CASP10: variants seen among roughly 807,000 people sequenced by gnomAD.
CASP10 encodes the protein caspase-10.
Under a neutral mutation model 48.5 loss-of-function variants are expected in CASP10, and 41 were observed. The ratio of observed to expected loss-of-function variants is 0.85; its 90% CI spans 0.66 to 1.10. The LOEUF is 1.10. Ranked by LOEUF, CASP10 falls within the 50% of genes least tolerant of loss-of-function variation. The pLI is 0.00. For missense variants in CASP10, 614 were observed against 614.5 expected, an observed-to-expected ratio of 1.00 and a Z score of 0.01; for synonymous variants, 232 against 238.4, an observed-to-expected ratio of 0.97 and a Z score of 0.25.
chr2:201,226,710 A>G (rs1333475348), intron 9 of CASP10, among the ~76,000 whole-genome samples: 1 of 152,172 alleles, frequency 6.6e-6, no homozygotes, highest in Non-Finnish European at 1.5e-5. Flanking sequence ...AATGAAAAGA[A>G]GCAACACAAA....
rs1334411673 is a variant in CASP10 at position 201,220,268 on chromosome 2, G to C, written c.*2527G>C. ...AGGAAATCACTTCTTTTCTAACAGC[G>C]AGCAGCCAGAAAGAGAAGAGAGTAA... On this transcript the variant is annotated 3_prime_UTR_variant, in exon 10 of 10. Coordinates refer to ENST00000286186, the MANE Select transcript of CASP10 (RefSeq NM_032977.4). 1.4e-5 allele frequency: 7 copies of C among 495,042 alleles called. No homozygotes were observed. In the South Asian group the frequency reaches 2.6e-4, roughly 19 times the overall value. The allele number at this position is 495,042 out of a possible 1,614,324, so 30.7% of individuals were successfully genotyped here.
chr2:201,196,122 A>G (rs1010638184), intron 5 of CASP10, 174 bp downstream of exon 5: 9 of 574,370 alleles, frequency 1.6e-5, no homozygotes, highest in African/African-American at 1.5e-4. Flanking sequence ...CAGAGTGCAC[A>G]TTTTCTGAAA....
At chr2:201,195,977 T>C (rs369596070) in intron 5 of CASP10, 29 bp downstream of exon 5, 549 of 1,482,586 alleles carry the variant, frequency 3.7e-4, no homozygotes, top group Middle Eastern at 2.8e-3. Flanking sequence ...TGGTCAATGC[T>C]TAACAACCGG....
intron 5 of CASP10, among the ~76,000 whole-genome samples, chr2:201,198,539 C>CT (rs34234167): frequency 0.28 from 24,753 of 87,906 alleles, 5,780 homozygotes; most frequent in African/African-American, 0.55. Context: ...TTTTTTAATT[C>CT]TTTTTTTTTT....
At chr2:201,185,654 C>T in intron 1 of CASP10, 117 bp from the exon 2 acceptor site, 2 of 753,324 alleles carry the variant, frequency 2.7e-6, no homozygotes, top group Admixed American at 2.2e-5. Flanking sequence ...TTCAGCACTT[C>T]TAGGAAAGTC....
At chr2:201,225,934 C>A (rs1191594736), downstream of CASP10, among the ~76,000 whole-genome samples, 1 of 152,106 alleles carries the variant, frequency 6.6e-6, no homozygotes, top group Non-Finnish European at 1.5e-5. Flanking sequence ...CCACTGCACT[C>A]CAGCCTGGGT....
chr2:201,205,754 G>A, intron 6 of CASP10, 128 bp from the exon 7 acceptor site: 1 of 706,870 alleles, frequency 1.4e-6, no homozygotes, highest in Non-Finnish European at 2.6e-6. Context: ...GAAGGGCATG[G>A]TGGCTGAATT....
chr2:201,226,035 A>T (rs556108469), downstream of CASP10, among the ~76,000 whole-genome samples: 1 of 152,358 alleles, frequency 6.6e-6, no homozygotes, highest in African/African-American at 2.4e-5. Context: ...CACGTTGTAT[A>T]ACTGATAAAG....
At position 201,218,077 on chromosome 2, in the gene CASP10, AT is replaced by A. The variant is rs1945631331; in HGVS notation, c.*344del. The A allele has an allele frequency of 2.3e-5, 17 of 735,810 alleles. No individual in the cohort carries two copies. Among genetic ancestry groups the A allele is most frequent in the East Asian group, 7.4e-5 (1 of 13,602 alleles). 45.6% of individuals were successfully genotyped at this position (735,810 alleles called of 1,614,324 possible). ...CACAGGTGTGTACCACCGTGCCCGG[AT>A]TTTTTTTATTCTTTATTTTTTGTAG... On this transcript the variant is annotated 3_prime_UTR_variant, in exon 10 of 10. Transcript: ENST00000286186.
chr2:201,205,717 C>T (rs1032398463), intron 6 of CASP10, among the ~76,000 whole-genome samples, 165 bp from the exon 7 acceptor site: 21 of 152,188 alleles, frequency 1.4e-4, no homozygotes, highest in Admixed American at 9.8e-4. Context: ...AAAAAGAATG[C>T]GAAGACACAT....
rs1457401928 is a variant in CASP10, at chr2:201,220,330, G to C, written c.*2589G>C. The C allele has an allele frequency of 1.1e-5, 1 of 90,922 alleles. No individual in the cohort carries two copies. Among genetic ancestry groups the C allele is most frequent in the Admixed American group, 1.9e-4 (1 of 5,294 alleles). The allele number at this position is 90,922 out of a possible 1,614,324, so 5.6% of individuals were successfully genotyped here. On this transcript the variant is annotated 3_prime_UTR_variant, in exon 10 of 10. Coordinates refer to ENST00000286186, the MANE Select transcript of CASP10 (RefSeq NM_032977.4). Reference sequence around the variant, plus strand: ...GACAGCTCTGGCATAGAGGGAGGTGGGGGGGTGGGGGAAGTCTCTTGGGTA... The same window carrying C: ...GACAGCTCTGGCATAGAGGGAGGTGCGGGGGTGGGGGAAGTCTCTTGGGTA...
At chr2:201,184,495 T>C (rs1210766219) in intron 1 of CASP10, among the ~76,000 whole-genome samples, 2 of 152,172 alleles carry the variant, frequency 1.3e-5, no homozygotes, top group African/African-American at 4.8e-5. Flanking sequence ...GGCTAATTTT[T>C]GTATTTTTTG....
At position 201,220,359 on chromosome 2, in the gene CASP10, G is replaced by A. The variant is rs41431151; in HGVS notation, c.*2618G>A. On this transcript the variant is annotated 3_prime_UTR_variant, in exon 10 of 10. Coordinates refer to ENST00000286186, the MANE Select transcript of CASP10 (RefSeq NM_032977.4). ...GGTGGGGGAAGTCTCTTGGGTAACT[G>A]CCAAACTTTGCCTTCATACAATGGG... 3.3e-3 allele frequency: 541 copies of A among 166,084 alleles called. 4 individuals carry two copies. The highest frequency in any genetic ancestry group is 0.012 in the African/African-American group (515 of 41,742). The allele number at this position is 166,084 out of a possible 1,614,324, so 10.3% of individuals were successfully genotyped here.
At chr2:201,187,584 T>C in intron 2 of CASP10, 122 bp from the exon 3 acceptor site, 1 of 807,470 alleles carries the variant, frequency 1.2e-6, no homozygotes, top group Non-Finnish European at 2.2e-6. Flanking sequence ...ATGGGATTAA[T>C]AATTGTCTAC....
chr2:201,200,217 C>T (rs534628661), intron 5 of CASP10, among the ~76,000 whole-genome samples: 8 of 152,252 alleles, frequency 5.3e-5, no homozygotes, highest in Non-Finnish European at 8.8e-5. Context: ...TTTTTCCCCA[C>T]GCAATTAATA....
chr2:201,199,167 G>T (rs1035406712), intron 5 of CASP10, among the ~76,000 whole-genome samples: 6 of 152,076 alleles, frequency 3.9e-5, no homozygotes, highest in Non-Finnish European at 7.4e-5. Context: ...ATATTTTCGT[G>T]TGTATTTCCT....
At chr2:201,223,255 T>C (rs931779043), downstream of CASP10, among the ~76,000 whole-genome samples, 2 of 152,156 alleles carry the variant, frequency 1.3e-5, no homozygotes, top group Non-Finnish European at 2.9e-5. Flanking sequence ...GTTAATCTGT[T>C]TGAAGCTTGC....
chr2:201,185,731 C>A (rs1944391294), intron 1 of CASP10, 40 bp from the exon 2 acceptor site: 2 of 1,343,402 alleles, frequency 1.5e-6, no homozygotes, highest in African/African-American at 1.4e-5. Flanking sequence ...CATATGTCCT[C>A]ACTCTCTAAC....
chr2:201,219,388 T>G lies in CASP10; in HGVS notation c.*1647T>G. The G allele has an allele frequency of 1.0e-6, 1 of 955,962 alleles. No homozygotes were observed. Among genetic ancestry groups the G allele is most frequent in the Admixed American group, 6.2e-5 (1 of 16,182 alleles). The allele number at this position is 955,962 out of a possible 1,614,324, so 59.2% of individuals were successfully genotyped here. ...CCTCTTTCACATTGAAACCCAGGAGTGGATAACACTGGCTTCAGGCAAAGC... is the reference window on the plus strand; with the variant it reads ...CCTCTTTCACATTGAAACCCAGGAGGGGATAACACTGGCTTCAGGCAAAGC... On this transcript the variant is annotated 3_prime_UTR_variant, in exon 10 of 10. Coordinates refer to ENST00000286186, the MANE Select transcript of CASP10 (RefSeq NM_032977.4).
Sources: gnomAD v4.1 joint callset for allele counts (sites outside exome capture counted in the v4.1 genomes callset) on GRCh38, gnomAD v4.1.1 for gene constraint, MANE v1.5 for transcripts, NCBI Gene and HGNC (gene_info 2026-07-23, HGNC 2026-07-21) for gene names.